Variants in UHRF2 observed in about 807,000 individuals in gnomAD.
The protein encoded by UHRF2 is ubiquitin like with PHD and ring finger domains 2, also known as E3 ubiquitin-protein ligase UHRF2.
Under a neutral mutation model 96.8 loss-of-function variants are expected in UHRF2, and 23 were observed. The ratio of observed to expected loss-of-function variants is 0.24; its 90% confidence interval spans 0.17 to 0.34. The LOEUF is 0.34. UHRF2 is among the 10% of genes least tolerant of loss of function. UHRF2 has a pLI of 1.00. For missense variants in UHRF2, 685 were observed against 981.5 expected, an observed-to-expected ratio of 0.70 and a Z score of 4.04; for synonymous variants, 385 against 332.6, an observed-to-expected ratio of 1.16 and a Z score of -1.72.
rs745801510 is a variant in UHRF2, at chr9:6,421,110, C to T, written c.352C>T (p.Arg118Cys). ...SNQPSTSARA[R>C]LIDPGFGIYK... is the part of the protein sequence containing the mutation. ...TCAGCCATCTACATCAGCTCGTGCC[C>T]GTCTTATTGATCCTGGCTTTGGAAT... Residue 118 changes from arginine (R) to cysteine (C), a missense_variant, in exon 2 of 16, where the codon CGT (arginine) becomes TGT (cysteine). This residue lies in a region of UHRF2 where 391 missense variants were observed against 437.0 expected (regional missense o/e 0.89). Coordinates refer to ENST00000276893, the MANE Select transcript of UHRF2 (RefSeq NM_152896.3). 7.4e-6 allele frequency: 12 copies of T among 1,613,798 alleles called. No homozygotes were observed. The highest frequency in any genetic ancestry group is 1.3e-5 in the African/African-American group (1 of 74,862).
intron 3 of UHRF2, among the ~76,000 whole-genome samples, chr9:6,436,556 A>T (rs1820857906): frequency 6.6e-6 from 1 of 152,238 alleles, no homozygotes; most frequent in South Asian, 2.1e-4. Context: ...GGCCAATAAG[A>T]GTTATTGTTT....
chr9:6,485,920 G>C (rs996652328), intron 8 of UHRF2, among the ~76,000 whole-genome samples: 3 of 151,510 alleles, frequency 2.0e-5, no homozygotes, highest in South Asian at 4.2e-4. Context: ...ACTTGTTTCA[G>C]TGAGGCAGGA....
At chr9:6,459,441 G>A (rs1822390414) in intron 3 of UHRF2, among the ~76,000 whole-genome samples, 1 of 152,214 alleles carries the variant, frequency 6.6e-6, no homozygotes, top group African/African-American at 2.4e-5. Context: ...GACTGAGGCG[G>A]GTGGATCACC....
rs562718174 is a variant in UHRF2 at position 6,505,007 on chromosome 9, G to T, written c.2262+316G>T. Among the ~76,000 whole-genome samples the T allele has an allele frequency of 1.6e-4, 24 of 152,246 alleles. 1 individual carries two copies. The highest frequency in any genetic ancestry group is 6.5e-4 in the Admixed American group (10 of 15,286). ...GTTTTATATATTATAGCGCAAACTG[G>T]AGTGTTTTCATTAATAAATCATATA... is the stretch of plus-strand genomic sequence containing the variant. On this transcript the variant is annotated intron_variant, in intron 15 of 15. Transcript: ENST00000276893.
At chr9:6,480,174 T>G (rs2130906126) in intron 6 of UHRF2, among the ~76,000 whole-genome samples, 1 of 152,344 alleles carries the variant, frequency 6.6e-6, no homozygotes, top group East Asian at 1.9e-4. Context: ...TTTTTATGCC[T>G]CAGGACCTTT....
chr9:6,429,824 TGAA>T (rs1211656753), intron 2 of UHRF2, among the ~76,000 whole-genome samples: 5 of 152,232 alleles, frequency 3.3e-5, no homozygotes, highest in African/African-American at 1.2e-4. Context: ...GGGTGATAGA[TGAA>T]GAACTTGAAC....
chr9:6,420,624 G>A (rs780816943), intron 1 of UHRF2, among the ~76,000 whole-genome samples: 3 of 151,394 alleles, frequency 2.0e-5, no homozygotes, highest in South Asian at 4.2e-4. Context: ...GGAGAATGGT[G>A]TGAACCCGGG....
Position 6,487,182 on chromosome 9 carries a change from C to CTTTTTTTTTTTTTTTTTTTT in UHRF2, c.1497+263_1497+282dup, listed in dbSNP as rs1171978950. Among the ~76,000 whole-genome samples the CTTTTTTTTTTTTTTTTTTTT allele has an allele frequency of 2.6e-4, 18 of 69,586 alleles. 5 individuals carry two copies. Among genetic ancestry groups the CTTTTTTTTTTTTTTTTTTTT allele is most frequent in the African/African-American group, 9.6e-4 (15 of 15,546 alleles). The allele number at this position is 69,586 out of a possible 152,430, so 45.7% of individuals were successfully genotyped here. ...TCTATAGAGCTTTTATTTTTTTTTC[C>CTTTTTTTTTTTTTTTTTTTT]TTTTTTTTTTTTTTTTTTTTTTTTT... On this transcript the variant is annotated intron_variant, in intron 9 of 15. Coordinates refer to ENST00000276893, the MANE Select transcript of UHRF2 (RefSeq NM_152896.3).
intron 8 of UHRF2, 111 bp from the exon 9 acceptor site, chr9:6,486,710 G>C (rs997407512): frequency 9.3e-6 from 9 of 972,258 alleles, no homozygotes; most frequent in Non-Finnish European, 1.2e-5. Context: ...ATAGAACTCT[G>C]TGAGACTCAC....
intron 4 of UHRF2, among the ~76,000 whole-genome samples, chr9:6,461,668 A>G (rs912392258): frequency 3.3e-5 from 5 of 151,962 alleles, no homozygotes; most frequent in Admixed American, 2.0e-4. Flanking sequence ...CACTGCGCCC[A>G]GCTTTCTATC....
intron 1 of UHRF2, chr9:6,415,119 G>C (rs1052716670): frequency 6.6e-6 from 1 of 152,208 alleles, no homozygotes; most frequent in Admixed American, 6.5e-5. Context: ...CAGCACCAGA[G>C]ATAGAAATGA....
chr9:6,485,184 G>A (rs1444180626), intron 8 of UHRF2, among the ~76,000 whole-genome samples: 2 of 152,110 alleles, frequency 1.3e-5, no homozygotes, highest in East Asian at 1.9e-4. Context: ...AATTTTGGTT[G>A]AACCAGTATT....
rs1477464038 is a variant in UHRF2 at position 6,506,379 on chromosome 9, C to G, written c.*200C>G. 4 of 549,836 alleles carry G rather than the reference C, an allele frequency of 7.3e-6. No homozygotes were observed. In the African/African-American group the frequency reaches 7.7e-5, roughly 11 times the overall value. The allele number at this position is 549,836 out of a possible 1,614,324, so 34.1% of individuals were successfully genotyped here. On this transcript the variant is annotated 3_prime_UTR_variant, in exon 16 of 16. Transcript: ENST00000276893. ...GTCTTTTAAATATCTAAAGGTAGTTCCTGTAACAACTAGTTTTAATGAGTA... is the reference window on the plus strand; with the variant it reads ...GTCTTTTAAATATCTAAAGGTAGTTGCTGTAACAACTAGTTTTAATGAGTA...
At chr9:6,497,790 A>T (rs940494057) in intron 11 of UHRF2, among the ~76,000 whole-genome samples, 2 of 152,188 alleles carry the variant, frequency 1.3e-5, no homozygotes, top group Non-Finnish European at 2.9e-5. Context: ...AATTAGCATA[A>T]TCTTGTTACT....
chr9:6,486,715 A>G, intron 8 of UHRF2, 106 bp from the exon 9 acceptor site: 2 of 1,012,340 alleles, frequency 2.0e-6, no homozygotes, highest in African/African-American at 1.6e-5. Context: ...ACTCTGTGAG[A>G]CTCACTTCTT....
chr9:6,504,565 C>T, intron 14 of UHRF2, 28 bp from the exon 15 acceptor site: 4 of 1,553,430 alleles, frequency 2.6e-6, no homozygotes, highest in Non-Finnish European at 3.5e-6. Context: ...GCTAACTTTT[C>T]TTTCCTTATC....
At chr9:6,444,509 C>A (rs1172864745) in intron 3 of UHRF2, among the ~76,000 whole-genome samples, 2 of 152,234 alleles carry the variant, frequency 1.3e-5, no homozygotes, top group Non-Finnish European at 2.9e-5. Context: ...ACTGCATTTT[C>A]ACCCATGTAA....
intron 3 of UHRF2, among the ~76,000 whole-genome samples, chr9:6,437,907 C>T (rs142854351): frequency 1.6e-4 from 24 of 152,196 alleles, no homozygotes; most frequent in Middle Eastern, 3.4e-3. Flanking sequence ...CCACCGCACC[C>T]GGCTAGTTTC....
intron 8 of UHRF2, among the ~76,000 whole-genome samples, chr9:6,483,156 C>T (rs1351040008): frequency 6.6e-6 from 1 of 151,672 alleles, no homozygotes; most frequent in Non-Finnish European, 1.5e-5. Flanking sequence ...TGAGACCCAT[C>T]TCTACTAAAA....
Sources: allele counts gnomAD v4.1 joint callset (sites outside exome capture counted in the v4.1 genomes callset), GRCh38; gene constraint gnomAD v4.1.1; regional missense constraint gnomAD v4.1.1; transcripts MANE v1.5; gene names NCBI Gene and HGNC (gene_info 2026-07-23, HGNC 2026-07-21).